Variants in PI16 observed in about 807,000 individuals in gnomAD.
The protein encoded by PI16 is peptidase inhibitor 16.
PI16 carries 35 observed loss-of-function variants against 38.0 expected under a neutral mutation model. That is an observed-to-expected ratio of 0.92 (90% confidence interval 0.70 to 1.22). The LOEUF (loss-of-function observed/expected upper bound fraction) is 1.22. PI16 is among the 50% of genes most tolerant of loss of function. The probability of loss-of-function intolerance (pLI) is 0.00; values close to 1 mark genes in which losing one functional copy is unlikely to be tolerated. For missense variants in PI16, 572 were observed against 593.8 expected, an observed-to-expected ratio of 0.96 and a Z score of 0.38; for synonymous variants, 275 against 252.9, an observed-to-expected ratio of 1.09 and a Z score of -0.83.
intron 1 of PI16, 91 bp from the exon 2 acceptor site, chr6:36,959,054 G>A (rs1177330297): frequency 3.4e-6 from 4 of 1,164,338 alleles, no homozygotes; most frequent in Non-Finnish European, 4.8e-6. Flanking sequence ...GGAGGTGCCG[G>A]AAGGATTTCC....
chr6:36,948,701 T>C (rs1193605058), intron 1 of PI16, among the ~76,000 whole-genome samples: 2 of 122,056 alleles, frequency 1.6e-5, no homozygotes, highest in African/African-American at 6.6e-5. Flanking sequence ...CTTTCCTTAC[T>C]GTCTCCCTTT....
At chr6:36,959,407 G>C (rs572894359) in intron 2 of PI16, 41 bp downstream of exon 2, 34 of 1,513,478 alleles carry the variant, frequency 2.2e-5, no homozygotes, top group Non-Finnish European at 2.5e-5. Context: ...GCCTCGCGGC[G>C]TGGGGGTGGG....
At chr6:36,954,009 A>G (rs375328764), upstream of PI16, among the ~76,000 whole-genome samples, 10 of 152,360 alleles carry the variant, frequency 6.6e-5, no homozygotes, top group East Asian at 1.7e-3. Context: ...ATTCCTGAAT[A>G]CAGCTAGAGT....
At chr6:36,964,048 C>T in intron 6 of PI16, 86 bp downstream of exon 6, 1 of 1,457,350 alleles carries the variant, frequency 6.9e-7, no homozygotes. Flanking sequence ...CTGGGCAGGT[C>T]CTGCTCTGTG....
chr6:36,959,312 C>T lies in PI16; in HGVS notation c.339C>T (p.Tyr113=). 1 of 1,583,060 alleles carries T rather than the reference C, an allele frequency of 6.3e-7. No homozygotes were observed. Among genetic ancestry groups the T allele is most frequent in the Non-Finnish European group, 8.6e-7 (1 of 1,165,008 alleles). ...MEEWHHEREH[Y]NLSAATCSPG... is the part of the protein sequence containing the mutation. Reference sequence around the variant, plus strand: ...AGTGGCACCACGAGCGTGAGCACTACAACCTCAGCGCCGCCACCTGCAGCC... The same window carrying T: ...AGTGGCACCACGAGCGTGAGCACTATAACCTCAGCGCCGCCACCTGCAGCC... The change falls in exon 2 of 7, where the codon TAC becomes TAT. Residue 113 remains tyrosine, a synonymous_variant. Coordinates refer to ENST00000373674, the MANE Select transcript of PI16 (RefSeq NM_153370.3).
At chr6:36,952,022 G>A (rs1218203975), upstream of PI16, among the ~76,000 whole-genome samples, 1 of 88,326 alleles carries the variant, frequency 1.1e-5, no homozygotes, top group African/African-American at 4.6e-5. Context: ...TTTTTCTTTT[G>A]AGACTCCGTC....
intron 1 of PI16, among the ~76,000 whole-genome samples, chr6:36,949,485 A>G (rs1763066615): frequency 6.6e-6 from 1 of 152,118 alleles, no homozygotes; most frequent in Non-Finnish European, 1.5e-5. Context: ...TCTCCCGTCT[A>G]TGGAGGAAAG....
At chr6:36,960,467 C>T (rs544582059) in intron 2 of PI16, among the ~76,000 whole-genome samples, 2 of 152,186 alleles carry the variant, frequency 1.3e-5, no homozygotes, top group African/African-American at 2.4e-5. Context: ...AACCAACCAT[C>T]TTCCCACCCA....
chr6:36,961,756 GC>G, intron 3 of PI16, 129 bp from the exon 4 acceptor site: 1 of 946,310 alleles, frequency 1.1e-6, no homozygotes, highest in Non-Finnish European at 1.7e-6. Context: ...GCCCAAGTTC[GC>G]CCAGCAAGTC....
intron 1 of PI16, among the ~76,000 whole-genome samples, chr6:36,949,453 A>C (rs1763066220): frequency 1.3e-5 from 2 of 152,130 alleles, no homozygotes; most frequent in Admixed American, 1.3e-4. Flanking sequence ...CTCAAGCCTA[A>C]GTTGTCAGGA....
chr6:36,960,639 T>TCC (rs1370176293), intron 2 of PI16, among the ~76,000 whole-genome samples: 2 of 18,112 alleles, frequency 1.1e-4, no homozygotes, highest in Non-Finnish European at 1.2e-4. Flanking sequence ...TCCCTCTCCC[T>TCC]CCACCCCCCC....
upstream of PI16, among the ~76,000 whole-genome samples, chr6:36,953,189 TATGGTGGGCAGC>T (rs935487646): frequency 1.3e-5 from 2 of 151,836 alleles, no homozygotes; most frequent in Non-Finnish European, 2.9e-5. Context: ...TGGTAGCAGC[TATGGTGGGCAGC>T]ATGGTGGGCA....
intron 1 of PI16, among the ~76,000 whole-genome samples, chr6:36,955,247 C>T (rs1389511573): frequency 6.6e-6 from 1 of 152,252 alleles, no homozygotes; most frequent in African/African-American, 2.4e-5. Context: ...AAAGCCCTGG[C>T]TTCCCACTCC....
Position 36,963,376 on chromosome 6 carries a change from G to A in PI16, c.1034G>A (p.Gly345Glu), listed in dbSNP as rs776177385. 76 of 1,614,058 alleles carry A rather than the reference G, an allele frequency of 4.7e-5. No homozygotes were observed. The highest frequency in any genetic ancestry group is 5.9e-5 in the Non-Finnish European group (70 of 1,180,036). Residue 345 changes from glycine to glutamate, a missense_variant, in exon 5 of 7, where the codon GGG (glycine) becomes GAG (glutamate). Coordinates refer to ENST00000373674, the MANE Select transcript of PI16 (RefSeq NM_153370.3). ...NSLDPKMSLT[G>E]ARELLPHAQE... The stretch of plus-strand genomic sequence containing the variant: ...CTGGACCCCAAGATGTCCCTGACAG[G>A]GGCAAGGGAACTCCTACCCCATGCC...
chr6:36,964,072 C>G lies in PI16; in HGVS notation c.*18+110C>G. The G allele has an allele frequency of 3.0e-6, 4 of 1,314,818 alleles. No homozygotes were observed. The South Asian group carries it at 6.1e-5, about 20-fold the overall frequency. The allele number at this position is 1,314,818 out of a possible 1,614,324, so 81.4% of individuals were successfully genotyped here. On this transcript the variant is annotated intron_variant, in intron 6 of 6. Coordinates refer to ENST00000373674, the MANE Select transcript of PI16 (RefSeq NM_153370.3). The stretch of plus-strand genomic sequence containing the variant: ...TCCTGCTCTGTGGCCCAGCAGCCCC[C>G]CTTCACCCCAACTTCTGGCCAGATT...
At chr6:36,956,661 T>C (rs912032501) in intron 1 of PI16, among the ~76,000 whole-genome samples, 9 of 152,238 alleles carry the variant, frequency 5.9e-5, no homozygotes, top group Admixed American at 5.9e-4. Flanking sequence ...TTGGCCAAAT[T>C]AAACTCTCTG....
intron 1 of PI16, among the ~76,000 whole-genome samples, chr6:36,948,664 CCTT>C (rs1561891287): frequency 3.6e-4 from 2 of 5,612 alleles, no homozygotes; most frequent in South Asian, 8.3e-3. Context: ...CTCCTTCCCT[CCTT>C]CCTCCCTCCC....
chr6:36,963,531 T>C lies in PI16; in HGVS notation c.1189T>C (p.Ser397Pro). The stretch of plus-strand genomic sequence containing the variant: ...CCACACGGGGCACACCTCCTCCAAG[T>C]CCCTGCCCAATTTCCCCAATACCTC... ...LDHTGHTSSK[S>P]LPNFPNTSAT... The change falls in exon 5 of 7, where the codon TCC becomes CCC. Residue 397 changes from serine (S) to proline (P), a missense_variant. Ser to Pro is a moderately conservative substitution (Grantham distance 74, BLOSUM62 -1). Transcript: ENST00000373674. 6.2e-7 allele frequency: 1 copy of C among 1,614,096 alleles called. No homozygotes were observed. Among genetic ancestry groups the C allele is most frequent in the Non-Finnish European group, 8.5e-7 (1 of 1,180,024 alleles).
chr6:36,960,635 T>TC (rs1763336642), intron 2 of PI16, among the ~76,000 whole-genome samples: 4 of 55,132 alleles, frequency 7.3e-5, no homozygotes, highest in Non-Finnish European at 1.1e-4. Flanking sequence ...CCCCTCCCTC[T>TC]CCCTCCACCC....
Sources: allele counts gnomAD v4.1 joint callset (sites outside exome capture counted in the v4.1 genomes callset), GRCh38; gene constraint gnomAD v4.1.1; transcripts MANE v1.5; gene names NCBI Gene and HGNC (gene_info 2026-07-23, HGNC 2026-07-21).